The following SPATA6 variants were observed in gnomAD, a reference collection of about 807,000 sequenced individuals.
SPATA6 encodes spermatogenesis-associated protein 6.
A neutral mutation model predicts 65.3 loss-of-function variants in SPATA6; 56 were observed. The observed-to-expected ratio is 0.86, with a 90% CI of 0.69 to 1.07. The LOEUF is 1.07. SPATA6 is among the 50% of genes least tolerant of loss of function. SPATA6 has a pLI of 0.00. For missense variants in SPATA6, 590 were observed against 594.8 expected, an observed-to-expected ratio of 0.99 and a Z score of 0.08; for synonymous variants, 199 against 213.2, an observed-to-expected ratio of 0.93 and a Z score of 0.58.
chr1:48,469,843 CCTT>C (rs1557743673), intron 1 of SPATA6, among the ~76,000 whole-genome samples: 1 of 151,702 alleles, frequency 6.6e-6, no homozygotes, highest in Non-Finnish European at 1.5e-5. Context: ...TTTGTTTGCT[CCTT>C]CTGAGCATCA....
At chr1:48,372,345 T>C (rs1230344019) in intron 9 of SPATA6, among the ~76,000 whole-genome samples, 1 of 152,134 alleles carries the variant, frequency 6.6e-6, no homozygotes, top group African/African-American at 2.4e-5. Context: ...AAGTCTGAAA[T>C]CCAGTGGAGC....
At chr1:48,313,160 C>T (rs1215684923) in intron 11 of SPATA6, among the ~76,000 whole-genome samples, 1 of 152,162 alleles carries the variant, frequency 6.6e-6, no homozygotes, top group Middle Eastern at 3.2e-3. Flanking sequence ...TCTAGCAATG[C>T]AGGCTGACAT....
At chr1:48,304,532 C>T (rs1187490248) in intron 12 of SPATA6, among the ~76,000 whole-genome samples, 1 of 152,094 alleles carries the variant, frequency 6.6e-6, no homozygotes, top group Non-Finnish European at 1.5e-5. Context: ...TTTGTAGAGA[C>T]AGGGTCTTGC....
chr1:48,321,381 C>T (rs1013051043), intron 11 of SPATA6, among the ~76,000 whole-genome samples: 4 of 152,108 alleles, frequency 2.6e-5, no homozygotes, highest in African/African-American at 9.7e-5. Flanking sequence ...AGTAGCTAAA[C>T]TGATATCAGA....
chr1:48,472,152 G>A lies in SPATA6; in HGVS notation c.-144C>T. On this transcript the variant is annotated 5_prime_UTR_variant, in exon 1 of 13. Coordinates refer to ENST00000371847, the MANE Select transcript of SPATA6 (RefSeq NM_019073.4). ...CCCCCAGGCCGGGGCCCGCGGTCCA[G>A]CCTGGGTTCCGCCGGAGAAGCAGCT... The A allele has an allele frequency of 1.6e-6, 1 of 617,354 alleles. No individual in the cohort carries two copies. The highest frequency in any genetic ancestry group is 2.6e-6 in the Non-Finnish European group (1 of 378,974). 38.2% of individuals were successfully genotyped at this position (617,354 alleles called of 1,614,324 possible). A position where few individuals can be genotyped will look rare whatever the true frequency, so the allele number is the denominator to read the frequency against.
chr1:48,434,054 T>C (rs1654646066), intron 3 of SPATA6, among the ~76,000 whole-genome samples: 2 of 152,168 alleles, frequency 1.3e-5, no homozygotes, highest in South Asian at 2.1e-4. Context: ...TATTCTATTA[T>C]AAATTTTCAA....
the SPATA6 span, among the ~76,000 whole-genome samples, chr1:48,266,218 T>C: frequency 6.6e-6 from 1 of 152,134 alleles, no homozygotes; most frequent in African/African-American, 2.4e-5. Context: ...TCCTCCAATA[T>C]AGCAATGGAT....
intron 7 of SPATA6, among the ~76,000 whole-genome samples, chr1:48,396,613 A>G (rs899272024): frequency 6.6e-6 from 1 of 151,770 alleles, no homozygotes; most frequent in Admixed American, 6.6e-5. Flanking sequence ...CACATATGCT[A>G]TAACATAGAT....
chr1:48,291,706 T>C (rs908239678), downstream of SPATA6, among the ~76,000 whole-genome samples: 3 of 152,194 alleles, frequency 2.0e-5, no homozygotes, highest in African/African-American at 7.2e-5. Context: ...TCACAGTTCC[T>C]TGGCTGTCCC....
At chr1:48,416,474 CAT>C (rs1240258972) in intron 3 of SPATA6, among the ~76,000 whole-genome samples, 5 of 152,014 alleles carry the variant, frequency 3.3e-5, no homozygotes, top group South Asian at 2.1e-4. Context: ...TGTATGTGTG[CAT>C]GTGTGTGTAT....
intron 11 of SPATA6, chr1:48,325,797 G>C (rs887675038): frequency 4.5e-6 from 2 of 445,958 alleles, no homozygotes; most frequent in Non-Finnish European, 8.8e-6. Flanking sequence ...GAATCAGTCG[G>C]AATTTGCTGA....
At chr1:48,452,847 G>T in intron 2 of SPATA6, 147 bp downstream of exon 2, 1 of 949,914 alleles carries the variant, frequency 1.1e-6, no homozygotes, top group Non-Finnish European at 1.5e-6. Flanking sequence ...AAATTTTCAA[G>T]CTTCCAGGCT....
intron 11 of SPATA6, among the ~76,000 whole-genome samples, chr1:48,309,779 CTCTAT>C (rs1423705370): frequency 1.3e-5 from 2 of 152,140 alleles, no homozygotes; most frequent in Non-Finnish European, 2.9e-5. Flanking sequence ...TCACTGATAT[CTCTAT>C]TCTGTTAGCT....
At chr1:48,361,815 T>A (rs1297438271) in intron 9 of SPATA6, among the ~76,000 whole-genome samples, 4 of 152,034 alleles carry the variant, frequency 2.6e-5, no homozygotes, top group African/African-American at 9.7e-5. Context: ...CCAGCATAGG[T>A]TTTGCTTCAA....
intron 11 of SPATA6, among the ~76,000 whole-genome samples, chr1:48,316,424 A>C (rs1645422482): frequency 6.6e-6 from 1 of 152,136 alleles, no homozygotes; most frequent in Admixed American, 6.5e-5. Flanking sequence ...CAAAAACAAA[A>C]AATGGGGAAA....
At chr1:48,389,890 AT>A (rs1425450603) in intron 8 of SPATA6, among the ~76,000 whole-genome samples, 16 of 152,138 alleles carry the variant, frequency 1.1e-4, no homozygotes, top group African/African-American at 3.6e-4. Flanking sequence ...AAGAGAAAAG[AT>A]TCACGGTACA....
intron 11 of SPATA6, among the ~76,000 whole-genome samples, chr1:48,309,347 A>G (rs1645141877): frequency 6.6e-6 from 1 of 152,072 alleles, no homozygotes; most frequent in Non-Finnish European, 1.5e-5. Context: ...TTCAAGTCCA[A>G]TAATATTTTC....
chr1:48,294,030 T>C (rs977546012), downstream of SPATA6, among the ~76,000 whole-genome samples: 2 of 152,208 alleles, frequency 1.3e-5, no homozygotes, highest in African/African-American at 4.8e-5. Flanking sequence ...TTTTCTCTCT[T>C]ACTTACCTCT....
the SPATA6 span, among the ~76,000 whole-genome samples, chr1:48,285,926 C>T: frequency 6.6e-6 from 1 of 152,154 alleles, no homozygotes; most frequent in Non-Finnish European, 1.5e-5. Context: ...TTTGAGGAGA[C>T]TATCCTCTCC....
Sources: allele counts gnomAD v4.1 joint callset (sites outside exome capture counted in the v4.1 genomes callset), GRCh38; gene constraint gnomAD v4.1.1; transcripts MANE v1.5; gene names NCBI Gene and HGNC (gene_info 2026-07-23, HGNC 2026-07-21).